DPYD: variants seen among roughly 807,000 people sequenced by gnomAD.
DPYD encodes the protein dihydropyrimidine dehydrogenase, also known as dihydropyrimidine dehydrogenase [NADP(+)].
Under a neutral mutation model 116.2 loss-of-function variants are expected in DPYD, and 109 were observed. The observed-to-expected ratio is 0.94, with a 90% CI of 0.80 to 1.10. The LOEUF is 1.10. Among genes scored for constraint, DPYD ranks in the 50% least tolerant of loss-of-function variants. The pLI is 0.00. For synonymous variants in DPYD, 440 were observed against 432.0 expected (o/e 1.02, Z -0.23); for missense variants, 1,302 against 1,254.5 (o/e 1.04, Z -0.57).
At chr1:97,282,802 C>T (rs758073711) in intron 18 of DPYD, among the ~76,000 whole-genome samples, 2 of 151,974 alleles carry the variant, frequency 1.3e-5, no homozygotes, top group African/African-American at 2.4e-5. Flanking sequence ...TTCCCACTTC[C>T]GAGTGAGAAC....
At chr1:97,866,556 T>C (rs1458590263) in intron 2 of DPYD, among the ~76,000 whole-genome samples, 1 of 151,874 alleles carries the variant, frequency 6.6e-6, no homozygotes, top group Non-Finnish European at 1.5e-5. Flanking sequence ...GTTACAGTTG[T>C]GAACAAAACT....
At chr1:97,093,524 TA>T (rs1446785096) in intron 21 of DPYD, among the ~76,000 whole-genome samples, 2 of 152,206 alleles carry the variant, frequency 1.3e-5, no homozygotes, top group African/African-American at 4.8e-5. Flanking sequence ...GGCACCATGC[TA>T]AAAGCACTTC....
intron 20 of DPYD, among the ~76,000 whole-genome samples, chr1:97,133,294 TCTC>T (rs1329539955): frequency 3.9e-5 from 6 of 152,204 alleles, no homozygotes; most frequent in East Asian, 3.9e-4. Context: ...TTTTTGGTCT[TCTC>T]CTTTTTTAAT....
chr1:97,874,069 T>G (rs1039111195), intron 2 of DPYD, among the ~76,000 whole-genome samples: 2 of 151,962 alleles, frequency 1.3e-5, no homozygotes, highest in African/African-American at 4.8e-5. Flanking sequence ...ATTTAGTTAT[T>G]ATAAACAGCC....
chr1:97,685,776 G>A (rs1189885008), intron 7 of DPYD, among the ~76,000 whole-genome samples: 3 of 151,962 alleles, frequency 2.0e-5, no homozygotes, highest in Non-Finnish European at 2.9e-5. Context: ...CAACTAACAA[G>A]GAAAGTGAAA....
chr1:97,231,771 A>T (rs1661603101), intron 19 of DPYD, among the ~76,000 whole-genome samples: 2 of 152,236 alleles, frequency 1.3e-5, no homozygotes, highest in Admixed American at 1.3e-4. Flanking sequence ...TTGTGGAAAT[A>T]CTATATGTAG....
intron 8 of DPYD, among the ~76,000 whole-genome samples, chr1:97,643,168 T>A (rs1347257210): frequency 6.6e-6 from 1 of 152,106 alleles, no homozygotes; most frequent in African/African-American, 2.4e-5. Flanking sequence ...TAGGAGAATT[T>A]TTTTGTAATC....
In DPYD at chr1:97,549,611, T is replaced by G. The variant is rs1054146459; in HGVS notation, c.1473A>C (p.Glu491Asp). The G allele has an allele frequency of 6.2e-7, 1 of 1,613,810 alleles. No individual in the cohort carries two copies. ...AAGCTTGCTTTCCATCATTCACCGA[T>G]TCCACTGTAGTGTTAGCCAAACCAA... Reference protein sequence around the residue: ...DVVGLANTTVESVNDGKQASW... With the variant: ...DVVGLANTTVDSVNDGKQASW... The change falls in exon 12 of 23, where the codon GAA (glutamate) becomes GAC (aspartate). Residue 491 changes from glutamate (E) to aspartate (D), a missense_variant. By Grantham distance (45) the Glu-to-Asp change is conservative (BLOSUM62 2). Transcript: ENST00000370192.
intron 1 of DPYD, among the ~76,000 whole-genome samples, chr1:97,906,514 A>G (rs1264592064): frequency 6.6e-6 from 1 of 152,094 alleles, no homozygotes; most frequent in Non-Finnish European, 1.5e-5. Flanking sequence ...AGATACAGCA[A>G]GTACTTAAAA....
At chr1:97,125,449 G>T (rs1282275099) in intron 20 of DPYD, among the ~76,000 whole-genome samples, 2 of 152,024 alleles carry the variant, frequency 1.3e-5, no homozygotes, top group African/African-American at 2.4e-5. Context: ...GTATAAAAAA[G>T]AAATTCCAGT....
At chr1:97,364,769 A>T (rs1205507134) in intron 16 of DPYD, among the ~76,000 whole-genome samples, 1 of 152,182 alleles carries the variant, frequency 6.6e-6, no homozygotes, top group East Asian at 1.9e-4. Flanking sequence ...TTCCCCAATG[A>T]TCATGACAAA....
At chr1:97,553,161 A>C (rs1044634519) in intron 11 of DPYD, among the ~76,000 whole-genome samples, 1 of 151,986 alleles carries the variant, frequency 6.6e-6, no homozygotes, top group African/African-American at 2.4e-5. Flanking sequence ...CTCTAAGCAC[A>C]TGTAATATTC....
intron 13 of DPYD, among the ~76,000 whole-genome samples, chr1:97,513,901 T>C (rs959914472): frequency 1.3e-5 from 2 of 151,876 alleles, no homozygotes; most frequent in Non-Finnish European, 2.9e-5. Flanking sequence ...TGGAAAATAA[T>C]CTTTTTTGAA....
At chr1:97,830,969 T>C (rs930879869) in intron 2 of DPYD, among the ~76,000 whole-genome samples, 1 of 152,180 alleles carries the variant, frequency 6.6e-6, no homozygotes, top group Admixed American at 6.5e-5. Flanking sequence ...AAATGAGTAT[T>C]AGGCTAACTA....
In DPYD at chr1:97,524,026, A is replaced by G. The variant is rs959275534; in HGVS notation, c.1525-8085T>C. Among the ~76,000 whole-genome samples, 5 of 151,538 alleles carry G rather than the reference A, an allele frequency of 3.3e-5. No homozygotes were observed. The East Asian group carries it at 7.7e-4, about 23-fold the overall frequency. On this transcript the variant is annotated intron_variant, in intron 12 of 22. Transcript: ENST00000370192. ...ATGAATAATTATTTTAAACTAAAAAAAAAAAGTCTAGTAAGCCTCTTGACA... is the reference window on the plus strand; with the variant it reads ...ATGAATAATTATTTTAAACTAAAAAGAAAAAGTCTAGTAAGCCTCTTGACA...
At chr1:97,317,246 A>G (rs994509344) in intron 16 of DPYD, among the ~76,000 whole-genome samples, 4 of 152,112 alleles carry the variant, frequency 2.6e-5, no homozygotes, top group Non-Finnish European at 4.4e-5. Context: ...ATGCAGCATA[A>G]TTTGGAAGAT....
intron 8 of DPYD, among the ~76,000 whole-genome samples, chr1:97,644,677 C>T (rs1162238887): frequency 1.3e-5 from 2 of 150,608 alleles, no homozygotes; most frequent in Non-Finnish European, 3.0e-5. Flanking sequence ...CCAGGCTGGT[C>T]TCAAACTCCT....
intron 16 of DPYD, among the ~76,000 whole-genome samples, chr1:97,360,690 G>A (rs904004280): frequency 6.6e-6 from 1 of 152,170 alleles, no homozygotes; most frequent in Non-Finnish European, 1.5e-5. Context: ...TGAACAACAT[G>A]CTCCTGAACG....
chr1:97,338,085 GT>G (rs1332038065), intron 16 of DPYD, among the ~76,000 whole-genome samples: 1 of 152,044 alleles, frequency 6.6e-6, no homozygotes, highest in African/African-American at 2.4e-5. Context: ...TTGTTACAGA[GT>G]TTTATACATG....
Sources: gnomAD v4.1 joint callset for allele counts (sites outside exome capture counted in the v4.1 genomes callset) on GRCh38, gnomAD v4.1.1 for gene constraint, MANE v1.5 for transcripts, NCBI Gene and HGNC (gene_info 2026-07-23, HGNC 2026-07-21) for gene names.